The following OR2L13 variants were observed in gnomAD, a reference collection of about 807,000 sequenced individuals.
OR2L13 encodes the protein olfactory receptor 2L13.
Under a neutral mutation model 15.3 loss-of-function variants are expected in OR2L13, and 14 were observed. That is an observed-to-expected ratio of 0.91 (90% CI 0.60 to 1.43). The LOEUF (loss-of-function observed/expected upper bound fraction) is 1.43, where lower values mean the gene tolerates loss of function less well. Ranked by LOEUF, OR2L13 falls within the 40% of genes most tolerant of loss-of-function variation. OR2L13 has a pLI of 0.00. For missense variants in OR2L13, 367 were observed against 387.9 expected, an observed-to-expected ratio of 0.95 and a Z score of 0.45; for synonymous variants, 152 against 142.9, an observed-to-expected ratio of 1.06 and a Z score of -0.45.
At chr1:248,062,028 A>G in the OR2L13 span, 3 of 162,966 alleles carry the variant, frequency 1.8e-5, no homozygotes, top group East Asian at 5.4e-4. Flanking sequence ...AAGTCTCTTG[A>G]CTTGGTGTAT....
the OR2L13 span, among the ~76,000 whole-genome samples, chr1:248,048,494 C>A: frequency 6.6e-6 from 1 of 152,142 alleles, no homozygotes; most frequent in Non-Finnish European, 1.5e-5. Context: ...CTTGTCTATA[C>A]TCCAGAAGAC....
At chr1:248,070,023 A>G in the OR2L13 span, among the ~76,000 whole-genome samples, 1 of 151,972 alleles carries the variant, frequency 6.6e-6, no homozygotes. Context: ...CACAATAATA[A>G]TGGGAGACTT....
chr1:247,955,980 G>A, the OR2L13 span, among the ~76,000 whole-genome samples: 3 of 147,502 alleles, frequency 2.0e-5, no homozygotes, highest in Non-Finnish European at 3.0e-5. Context: ...GGCTTTTGTT[G>A]CCATTGCTTT....
intron 1 of OR2L13, among the ~76,000 whole-genome samples, chr1:248,098,163 C>A (rs1407860801): frequency 1.3e-5 from 2 of 152,072 alleles, no homozygotes; most frequent in African/African-American, 4.8e-5. Flanking sequence ...TCTATAGAAT[C>A]GTAATCACTA....
At chr1:247,949,479 T>C in the OR2L13 span, 1 of 1,610,976 alleles carries the variant, frequency 6.2e-7, no homozygotes. Context: ...CTTTCTCGTG[T>C]TTCCCTTCAT....
the OR2L13 span, among the ~76,000 whole-genome samples, chr1:248,037,938 T>C: frequency 6.6e-6 from 1 of 152,176 alleles, no homozygotes; most frequent in Non-Finnish European, 1.5e-5. Context: ...CATTTTGTCA[T>C]CACAAGAAAA....
the OR2L13 span, among the ~76,000 whole-genome samples, chr1:247,940,328 C>G: frequency 6.6e-6 from 1 of 151,974 alleles, no homozygotes; most frequent in Non-Finnish European, 1.5e-5. Flanking sequence ...ATAAATGTTT[C>G]TATTAGGAAT....
At chr1:248,073,058 G>C in the OR2L13 span, among the ~76,000 whole-genome samples, 1 of 151,590 alleles carries the variant, frequency 6.6e-6, no homozygotes, top group Non-Finnish European at 1.5e-5. Flanking sequence ...CATTGTGGAA[G>C]TCAGTGTGGC....
At chr1:248,093,431 AC>A (rs1388697604), upstream of OR2L13, among the ~76,000 whole-genome samples, 2 of 152,162 alleles carry the variant, frequency 1.3e-5, no homozygotes, top group African/African-American at 4.8e-5. Context: ...AATGAGTTTT[AC>A]CTGGGTTTGA....
chr1:248,028,273 T>G, the OR2L13 span, among the ~76,000 whole-genome samples: 1 of 151,922 alleles, frequency 6.6e-6, no homozygotes, highest in African/African-American at 2.4e-5. Context: ...ATTCCTGCTG[T>G]TTTGGTGTTT....
the OR2L13 span, among the ~76,000 whole-genome samples, chr1:247,971,472 CA>C: frequency 6.6e-6 from 1 of 152,290 alleles, no homozygotes; most frequent in Non-Finnish European, 1.5e-5. Context: ...TTCCCATAAA[CA>C]TTGACATAAT....
the OR2L13 span, among the ~76,000 whole-genome samples, chr1:247,961,515 T>C: frequency 1.3e-5 from 2 of 152,268 alleles, no homozygotes; most frequent in South Asian, 4.2e-4. Flanking sequence ...GCAGGCTAAT[T>C]GAACTGCCTA....
the OR2L13 span, among the ~76,000 whole-genome samples, chr1:248,037,936 C>T: frequency 0.042 from 6,397 of 152,156 alleles, 438 homozygotes; most frequent in African/African-American, 0.15. Context: ...AGCATTTTGT[C>T]ATCACAAGAA....
the OR2L13 span, among the ~76,000 whole-genome samples, chr1:248,067,389 C>A: frequency 6.6e-6 from 1 of 152,106 alleles, no homozygotes; most frequent in African/African-American, 2.4e-5. Context: ...TAGATAGTTG[C>A]ATGTTTTTTA....
chr1:248,097,177 C>G (rs144900426), upstream of OR2L13: 21 of 152,340 alleles, frequency 1.4e-4, 1 homozygote, highest in East Asian at 3.9e-3. Flanking sequence ...TTCTTGTTCT[C>G]CAGGTTACTT....
the OR2L13 span, chr1:248,028,999 T>C: frequency 6.6e-6 from 1 of 152,226 alleles, no homozygotes; most frequent in Admixed American, 6.5e-5. Flanking sequence ...ACTTTTCAAA[T>C]GCAGGAATAT....
At chr1:247,980,171 C>A in the OR2L13 span, among the ~76,000 whole-genome samples, 2 of 151,902 alleles carry the variant, frequency 1.3e-5, no homozygotes, top group South Asian at 4.2e-4. Flanking sequence ...ACTAAATATA[C>A]CCTAGATAGT....
At chr1:248,000,123 G>GGTGTGTGTGTGTGT in the OR2L13 span, among the ~76,000 whole-genome samples, 1,089 of 138,256 alleles carry the variant, frequency 7.9e-3, 13 homozygotes, top group African/African-American at 0.027. Context: ...TTTTTTTTTT[G>GGTGTGTGTGTGTGT]GTGTGTGTGT....
At chr1:248,081,067 A>G in the OR2L13 span, among the ~76,000 whole-genome samples, 1 of 152,210 alleles carries the variant, frequency 6.6e-6, no homozygotes, top group East Asian at 1.9e-4. Flanking sequence ...GGAAATCACT[A>G]AAAGCTTCCA....
Sources: allele counts gnomAD v4.1 joint callset (sites outside exome capture counted in the v4.1 genomes callset), GRCh38; gene constraint gnomAD v4.1.1; transcripts MANE v1.5; gene names NCBI Gene and HGNC (gene_info 2026-07-23, HGNC 2026-07-21).